Variants in SBF2 observed in about 807,000 individuals in gnomAD.
The protein encoded by SBF2 is myotubularin-related protein 13.
Under a neutral mutation model 225.2 loss-of-function variants are expected in SBF2, and 112 were observed. That is an observed-to-expected ratio of 0.50 (90% CI 0.43 to 0.58). SBF2 has a LOEUF of 0.58. SBF2 is among the 20% of genes least tolerant of loss of function. The pLI is 0.00. For synonymous variants in SBF2, 763 were observed against 773.3 expected, an observed-to-expected ratio of 0.99 and a Z score of 0.22; for missense variants, 1,996 against 2,206.2, an observed-to-expected ratio of 0.90 and a Z score of 1.91.
intron 2 of SBF2, among the ~76,000 whole-genome samples, chr11:10,140,394 T>C (rs933516356): frequency 6.6e-6 from 1 of 152,188 alleles, no homozygotes; most frequent in Admixed American, 6.5e-5. Context: ...TTTTAATCAA[T>C]CATGCCTACA....
chr11:10,234,023 G>A (rs967494275), intron 1 of SBF2, among the ~76,000 whole-genome samples: 3 of 152,020 alleles, frequency 2.0e-5, no homozygotes, highest in African/African-American at 7.3e-5. Context: ...CTTCCCAAAG[G>A]ACCTAACAGA....
At chr11:10,179,420 A>C (rs1032395467) in intron 2 of SBF2, among the ~76,000 whole-genome samples, 18 of 149,732 alleles carry the variant, frequency 1.2e-4, no homozygotes, top group African/African-American at 2.7e-4. Context: ...AACAAACAAA[A>C]AAAACTTATT....
intron 2 of SBF2, among the ~76,000 whole-genome samples, chr11:10,123,211 A>G (rs909461434): frequency 6.6e-5 from 10 of 152,202 alleles, no homozygotes; most frequent in African/African-American, 2.4e-4. Flanking sequence ...TCATCTTTGA[A>G]AGAGAAAGTC....
At chr11:10,215,332 T>G (rs534111129) in intron 1 of SBF2, among the ~76,000 whole-genome samples, 12 of 152,218 alleles carry the variant, frequency 7.9e-5, no homozygotes, top group African/African-American at 2.9e-4. Context: ...ATCTTAAAAA[T>G]TGGTATTCTC....
rs181407276 is a variant in SBF2 at position 9,803,478 on chromosome 11, C to G, written c.4443+4522G>C. On this transcript the variant is annotated intron_variant, in intron 32 of 39. Transcript: ENST00000256190. ...CTAGACCTCTCCCACTCCTCCCCCC[C>G]AGCCCCATCCCCAATAATAAAATAG... 3.0e-4 allele frequency among the ~76,000 whole-genome samples: 45 copies of G among 152,264 alleles called. 1 individual carries two copies. Among genetic ancestry groups the G allele is most frequent in the African/African-American group, 9.6e-4 (40 of 41,546 alleles).
chr11:9,861,291 C>T (rs1350225697), intron 17 of SBF2, among the ~76,000 whole-genome samples: 1 of 152,180 alleles, frequency 6.6e-6, no homozygotes, highest in African/African-American at 2.4e-5. Flanking sequence ...AACTCCTGGG[C>T]TTAAGGGATT....
intron 2 of SBF2, among the ~76,000 whole-genome samples, chr11:10,073,380 T>C (rs949842600): frequency 1.3e-5 from 2 of 152,040 alleles, no homozygotes; most frequent in African/African-American, 4.8e-5. Context: ...CCTTAACAAA[T>C]TATATGGAAG....
intron 16 of SBF2, among the ~76,000 whole-genome samples, chr11:9,936,125 A>T (rs1864879582): frequency 6.6e-6 from 1 of 152,134 alleles, no homozygotes; most frequent in Non-Finnish European, 1.5e-5. Flanking sequence ...AAACAACTCC[A>T]TCAAAAAGTG....
At chr11:10,155,238 T>C (rs1484823298) in intron 2 of SBF2, among the ~76,000 whole-genome samples, 1 of 152,064 alleles carries the variant, frequency 6.6e-6, no homozygotes, top group Non-Finnish European at 1.5e-5. Flanking sequence ...ACTGGTTGCA[T>C]TTAGTCCACA....
At position 9,829,497 on chromosome 11, in the gene SBF2, C is replaced by T. The variant is rs145183196; in HGVS notation, c.3653-1G>A. On this transcript the variant is annotated splice_acceptor_variant, in intron 27 of 39. Transcript: ENST00000256190. LOFTEE classifies it high-confidence loss of function. ...GAAGATTCTAAAGAGGAGGTAGGAGCTATAAAAGGAAAATATATTGAATAA... is the reference window on the plus strand; with the variant it reads ...GAAGATTCTAAAGAGGAGGTAGGAGTTATAAAAGGAAAATATATTGAATAA... The T allele has an allele frequency of 1.6e-5, 26 of 1,603,800 alleles. No homozygotes were observed. Among genetic ancestry groups the T allele is most frequent in the Non-Finnish European group, 2.2e-5 (26 of 1,170,894 alleles).
chr11:9,907,244 T>A (rs1429149114), intron 16 of SBF2, among the ~76,000 whole-genome samples: 1 of 152,196 alleles, frequency 6.6e-6, no homozygotes, highest in East Asian at 1.9e-4. Flanking sequence ...TCTGCCAGGC[T>A]TATTAGCCCT....
intron 22 of SBF2, 110 bp from the exon 23 acceptor site, chr11:9,847,193 A>G: frequency 7.4e-7 from 1 of 1,359,952 alleles, no homozygotes; most frequent in Non-Finnish European, 1.0e-6. Context: ...TGAAGAGGAC[A>G]CTGCCCAGGG....
chr11:10,241,630 T>C (rs1959221827), intron 1 of SBF2, among the ~76,000 whole-genome samples: 1 of 152,078 alleles, frequency 6.6e-6, no homozygotes. Context: ...GATAAAAAAG[T>C]ATATTATGAA....
chr11:10,234,255 T>C (rs1159925907), intron 1 of SBF2, among the ~76,000 whole-genome samples: 2 of 152,202 alleles, frequency 1.3e-5, no homozygotes, highest in African/African-American at 4.8e-5. Context: ...CATTTTGATC[T>C]TGTAAATGCT....
intron 2 of SBF2, among the ~76,000 whole-genome samples, chr11:10,095,068 G>A (rs1951961439): frequency 6.6e-6 from 1 of 151,828 alleles, no homozygotes; most frequent in Non-Finnish European, 1.5e-5. Flanking sequence ...GACTATACAG[G>A]TATGCACCAC....
chr11:9,881,848 C>A (rs1010433009), intron 17 of SBF2, among the ~76,000 whole-genome samples: 4 of 152,002 alleles, frequency 2.6e-5, no homozygotes, highest in Non-Finnish European at 5.9e-5. Flanking sequence ...ATAGGCTGGG[C>A]GTGGTGGTGC....
intron 2 of SBF2, among the ~76,000 whole-genome samples, chr11:10,082,395 G>A (rs1951402348): frequency 6.6e-6 from 1 of 152,008 alleles, no homozygotes; most frequent in Non-Finnish European, 1.5e-5. Context: ...GTATTACCCT[G>A]ATATCAAAGC....
intron 11 of SBF2, 56 bp from the exon 12 acceptor site, chr11:9,992,599 T>C: frequency 1.3e-6 from 2 of 1,535,866 alleles, no homozygotes; most frequent in South Asian, 2.4e-5. Flanking sequence ...GGACAAATGG[T>C]CAAAACAGAA....
intron 1 of SBF2, among the ~76,000 whole-genome samples, chr11:10,239,863 G>A (rs1374002785): frequency 6.6e-6 from 1 of 152,062 alleles, no homozygotes; most frequent in African/African-American, 2.4e-5. Context: ...TGTTTTATGT[G>A]TTCATTTATA....
Sources: gnomAD v4.1 joint callset for allele counts (sites outside exome capture counted in the v4.1 genomes callset) on GRCh38, gnomAD v4.1.1 for gene constraint, MANE v1.5 for transcripts, NCBI Gene and HGNC (gene_info 2026-07-23, HGNC 2026-07-21) for gene names.